Variants in ADGRL2 observed in about 807,000 individuals in gnomAD.
The protein encoded by ADGRL2 is calcium-independent alpha-latrotoxin receptor 2.
Under a neutral mutation model 157.4 loss-of-function variants are expected in ADGRL2, and 44 were observed. The ratio of observed to expected loss-of-function variants is 0.28; its 90% CI spans 0.22 to 0.36. ADGRL2 has a LOEUF of 0.36. Ranked by LOEUF, ADGRL2 falls within the 10% of genes least tolerant of loss-of-function variation. ADGRL2 has a pLI of 1.00. For missense variants in ADGRL2, 1,510 were observed against 1,768.9 expected, an observed-to-expected ratio of 0.85 and a Z score of 2.63; for synonymous variants, 585 against 624.7, an observed-to-expected ratio of 0.94 and a Z score of 0.95.
chr1:81,943,766 C>A lies in ADGRL2; in HGVS notation c.1207C>A (p.Gln403Lys). The A allele has an allele frequency of 1.2e-6, 2 of 1,610,848 alleles. No homozygotes were observed. The highest frequency in any genetic ancestry group is 1.1e-5 in the South Asian group (1 of 90,928). ...SLEFGPPDPA[Q>K]VPTTAVTITS... ...GGAGTTTGGTCCACCTGATCCTGCC[C>A]AAGGTAAGCGTGTTTACTTGCTAAT... Residue 403 changes from glutamine to lysine, a missense_variant, in exon 6 of 24, where the codon CAA (glutamine) becomes AAA (lysine). Gln to Lys is a moderately conservative substitution (Grantham distance 53). Around this residue, in one of 4 missense-constraint regions of ADGRL2, gnomAD observed 361 missense variants for 498.4 expected, o/e 0.72. Coordinates refer to ENST00000686636, the MANE Select transcript of ADGRL2 (RefSeq NM_001366006.2). This position sits in a 1 kb window ranked among gnomAD's most constrained non-coding sequence, Gnocchi z 5.6.
chr1:81,868,706 A>C (rs999631395), intron 2 of ADGRL2, among the ~76,000 whole-genome samples: 23 of 152,084 alleles, frequency 1.5e-4, no homozygotes, highest in Admixed American at 5.9e-4. Flanking sequence ...TACAACATTC[A>C]TACCTACAAA....
chr1:81,426,800 C>G (rs117809638), intron 1 of ADGRL2: 6 of 486,888 alleles, frequency 1.2e-5, no homozygotes, highest in Non-Finnish European at 2.3e-5. Flanking sequence ...AGAGAGGAGT[C>G]GATAAAGCCT....
At chr1:81,314,992 C>T (rs1660008733) in intron 1 of ADGRL2, among the ~76,000 whole-genome samples, 1 of 152,128 alleles carries the variant, frequency 6.6e-6, no homozygotes, top group African/African-American at 2.4e-5. Context: ...TCCAACCAAC[C>T]ATTTGTATGC....
chr1:81,737,516 C>T (rs1433400650), intron 1 of ADGRL2, among the ~76,000 whole-genome samples: 1 of 152,182 alleles, frequency 6.6e-6, no homozygotes, highest in African/African-American at 2.4e-5. Context: ...CTGGGGATTA[C>T]AATTCAACAT....
chr1:81,570,676 A>G (rs1381864251), intron 2 of ADGRL2, among the ~76,000 whole-genome samples: 3 of 152,158 alleles, frequency 2.0e-5, no homozygotes, highest in African/African-American at 7.2e-5. Context: ...GACGTGAGCC[A>G]CTGTGCCTGG....
At chr1:81,830,160 A>G (rs1175084258) in intron 1 of ADGRL2, among the ~76,000 whole-genome samples, 1 of 152,176 alleles carries the variant, frequency 6.6e-6, no homozygotes, top group African/African-American at 2.4e-5. Context: ...TGGCAGCTAT[A>G]TCTTAATCTG....
intron 2 of ADGRL2, among the ~76,000 whole-genome samples, chr1:81,878,565 A>G (rs537258731): frequency 1.1e-4 from 16 of 152,264 alleles, no homozygotes; most frequent in Admixed American, 9.8e-4. Flanking sequence ...TTTATTCATT[A>G]CTTTGCCCAA....
chr1:81,577,902 A>T (rs1570552378), intron 2 of ADGRL2, among the ~76,000 whole-genome samples: 1 of 152,202 alleles, frequency 6.6e-6, no homozygotes, highest in South Asian at 2.1e-4. Flanking sequence ...TGAATTTTTT[A>T]AAAATCAGTA....
chr1:81,386,032 G>A (rs183760581), intron 1 of ADGRL2, among the ~76,000 whole-genome samples: 6 of 152,108 alleles, frequency 3.9e-5, no homozygotes, highest in East Asian at 3.9e-4. Context: ...TGGCTTCAGC[G>A]CAATCCTCAT....
At chr1:81,664,354 A>G (rs552488740) in intron 3 of ADGRL2, among the ~76,000 whole-genome samples, 54 of 152,274 alleles carry the variant, frequency 3.5e-4, no homozygotes, top group African/African-American at 1.3e-3. Context: ...ATCTGCATGC[A>G]TGTGTACACC....
intron 1 of ADGRL2, among the ~76,000 whole-genome samples, chr1:81,820,089 G>T (rs2149828878): frequency 6.6e-6 from 1 of 152,160 alleles, no homozygotes; most frequent in Admixed American, 6.6e-5. Context: ...TAGTTCTTAG[G>T]TTTTATAGCT....
intron 3 of ADGRL2, among the ~76,000 whole-genome samples, chr1:81,631,744 A>G (rs1168722368): frequency 3.3e-5 from 5 of 152,134 alleles, no homozygotes; most frequent in Non-Finnish European, 5.9e-5. Flanking sequence ...TGATTGTTCT[A>G]CTTTGTGTGA....
intron 2 of ADGRL2, among the ~76,000 whole-genome samples, chr1:81,850,287 G>T (rs2092954234): frequency 6.6e-6 from 1 of 151,754 alleles, no homozygotes; most frequent in Non-Finnish European, 1.5e-5. Context: ...TCTTGTCTTA[G>T]CACTGCTTTA....
At chr1:81,732,838 C>T (rs2084770594) in intron 1 of ADGRL2, among the ~76,000 whole-genome samples, 1 of 151,902 alleles carries the variant, frequency 6.6e-6, no homozygotes, top group African/African-American at 2.4e-5. Flanking sequence ...TTTTCCTAGG[C>T]AGAATTGTCA....
chr1:81,775,229 C>A (rs1354719616), intron 2 of ADGRL2, among the ~76,000 whole-genome samples: 1 of 151,706 alleles, frequency 6.6e-6, no homozygotes, highest in Non-Finnish European at 1.5e-5. Flanking sequence ...GAAAAAAAAA[C>A]ACACTGCTTT....
At position 81,405,709 on chromosome 1, in the gene ADGRL2, A is replaced by T. The variant is rs1400034273; in HGVS notation, c.-301-39327A>T. Among the ~76,000 whole-genome samples the T allele has an allele frequency of 3.3e-5, 5 of 152,154 alleles. No homozygotes were observed. The East Asian group carries it at 9.6e-4, about 29-fold the overall frequency. On this transcript the variant is annotated intron_variant, in intron 1 of 24. Transcript: ENST00000370721. ...AAATATCTCACATTTTCAAAATAAT[A>T]ATAGGGATTATTTTCATAAGGCCTC...
At chr1:81,935,496 A>G (rs1002449986) in intron 3 of ADGRL2, among the ~76,000 whole-genome samples, 2 of 151,972 alleles carry the variant, frequency 1.3e-5, no homozygotes, top group African/African-American at 2.4e-5. Flanking sequence ...ACCAAAGTAT[A>G]CGACTGTTCC....
intron 3 of ADGRL2, 64 bp downstream of exon 3, chr1:81,907,294 G>A: frequency 1.4e-6 from 2 of 1,412,314 alleles, no homozygotes; most frequent in South Asian, 2.3e-5. Context: ...AATTATTACA[G>A]TTATTCCAAA....
intron 1 of ADGRL2, among the ~76,000 whole-genome samples, chr1:81,820,253 G>A (rs1171262404): frequency 6.6e-6 from 1 of 152,126 alleles, no homozygotes; most frequent in Non-Finnish European, 1.5e-5. Context: ...ATCACAAATT[G>A]TGCTGGAACC....
Sources: allele counts gnomAD v4.1 joint callset (sites outside exome capture counted in the v4.1 genomes callset), GRCh38; gene constraint gnomAD v4.1.1; regional missense constraint gnomAD v4.1.1; non-coding constraint Gnocchi (gnomAD v3.1); transcripts MANE v1.5; gene names NCBI Gene and HGNC (gene_info 2026-07-23, HGNC 2026-07-21).